The following SRPK2 variants were observed in gnomAD, a reference collection of about 807,000 sequenced individuals.
SRPK2 encodes SFRS protein kinase 2.
Under a neutral mutation model 90.8 loss-of-function variants are expected in SRPK2, and 21 were observed. The observed-to-expected ratio is 0.23, with a 90% CI of 0.16 to 0.33. The LOEUF is 0.33. SRPK2 is among the 10% of genes least tolerant of loss of function. The pLI is 1.00. For synonymous variants in SRPK2, 288 were observed against 311.1 expected (o/e 0.93, Z 0.78); for missense variants, 620 against 869.0 (o/e 0.71, Z 3.60).
intron 3 of SRPK2, among the ~76,000 whole-genome samples, chr7:105,203,157 T>C (rs1795770515): frequency 1.3e-5 from 2 of 152,036 alleles, no homozygotes; most frequent in Admixed American, 6.6e-5. Flanking sequence ...CCCAGCTAAT[T>C]TTTTGCACTT....
intron 2 of SRPK2, among the ~76,000 whole-genome samples, chr7:105,205,515 T>TCACA (rs1426772972): frequency 1.5e-4 from 17 of 111,820 alleles, no homozygotes; most frequent in South Asian, 3.2e-4. Flanking sequence ...TCTCTCTCTC[T>TCACA]CTCACACACA....
At chr7:105,393,645 T>C (rs1363165215), upstream of SRPK2, among the ~76,000 whole-genome samples, 1 of 151,978 alleles carries the variant, frequency 6.6e-6, no homozygotes, top group Non-Finnish European at 1.5e-5. Context: ...GGCCTTTTTA[T>C]TATTTTTAAA....
chr7:105,280,662 G>T (rs1044340000), intron 2 of SRPK2, among the ~76,000 whole-genome samples: 2 of 149,846 alleles, frequency 1.3e-5, no homozygotes, highest in Non-Finnish European at 3.0e-5. Flanking sequence ...AAAAAGGGGG[G>T]GGGGGCCGGG....
At chr7:105,123,814 T>A (rs1372261277) in intron 15 of SRPK2, among the ~76,000 whole-genome samples, 1 of 152,144 alleles carries the variant, frequency 6.6e-6, no homozygotes, top group African/African-American at 2.4e-5. Flanking sequence ...TTCCCAGTCA[T>A]TTCAGGGGAT....
chr7:105,331,307 TCAAAAAAA>T (rs1814308402), intron 2 of SRPK2, among the ~76,000 whole-genome samples: 1 of 3,024 alleles, frequency 3.3e-4, no homozygotes, highest in African/African-American at 1.4e-3. Context: ...AGACTCCGTC[TCAAAAAAA>T]AAAAAAAAAA....
At chr7:105,145,776 T>C (rs888204847) in intron 8 of SRPK2, among the ~76,000 whole-genome samples, 2 of 152,150 alleles carry the variant, frequency 1.3e-5, no homozygotes, top group African/African-American at 2.4e-5. Flanking sequence ...AGGAATCACA[T>C]GATTAAACCC....
chr7:105,265,158 G>T lies in SRPK2; in HGVS notation c.72-61373C>A, dbSNP rs144960434. 6.2e-3 allele frequency among the ~76,000 whole-genome samples: 939 copies of T among 151,924 alleles called. 4 individuals are homozygous for T. The highest frequency in any genetic ancestry group is 9.8e-3 in the Non-Finnish European group (666 of 67,930). On this transcript the variant is annotated intron_variant, in intron 2 of 15. Coordinates refer to ENST00000393651, the MANE Select transcript of SRPK2 (RefSeq NM_182692.3). ...TTCACCTAAAAAGCACTCAGAACTG[G>T]TATCTAGACTGTTTAATAAATGATT... is the stretch of plus-strand genomic sequence containing the variant.
At chr7:105,352,792 T>C (rs1817349721) in intron 2 of SRPK2, among the ~76,000 whole-genome samples, 1 of 152,070 alleles carries the variant, frequency 6.6e-6, no homozygotes, top group South Asian at 2.1e-4. Flanking sequence ...TCCCAGCTAC[T>C]CGGGAGGCTG....
At chr7:105,229,965 T>G (rs1251788142) in intron 2 of SRPK2, among the ~76,000 whole-genome samples, 1 of 152,162 alleles carries the variant, frequency 6.6e-6, no homozygotes, top group Non-Finnish European at 1.5e-5. Flanking sequence ...ACCGGAAGGT[T>G]TCAAGAAGAC....
chr7:105,321,467 CTG>C (rs1812931200), intron 2 of SRPK2, among the ~76,000 whole-genome samples: 1 of 152,092 alleles, frequency 6.6e-6, no homozygotes, highest in African/African-American at 2.4e-5. Flanking sequence ...AAAGAAAAAA[CTG>C]TAAAATGAAC....
chr7:105,337,472 G>C (rs1209206371), intron 2 of SRPK2, among the ~76,000 whole-genome samples: 1 of 151,726 alleles, frequency 6.6e-6, no homozygotes, highest in Non-Finnish European at 1.5e-5. Context: ...CTGCCACCAA[G>C]CCCAGCTAAT....
At chr7:105,145,570 C>T (rs1316044811) in intron 8 of SRPK2, among the ~76,000 whole-genome samples, 18 of 152,106 alleles carry the variant, frequency 1.2e-4, no homozygotes, top group Non-Finnish European at 1.6e-4. Context: ...ACTAATACAT[C>T]TCAAACACAG....
At chr7:105,388,738 G>A in intron 1 of SRPK2, 36 bp from the exon 2 acceptor site, 4 of 1,555,358 alleles carry the variant, frequency 2.6e-6, no homozygotes, top group East Asian at 2.5e-5. Context: ...CGGTCGGGCC[G>A]CCCGCCCGGG....
At chr7:105,297,306 A>C in intron 2 of SRPK2, 4 of 238,960 alleles carry the variant, frequency 1.7e-5, no homozygotes, top group Non-Finnish European at 2.7e-5. Flanking sequence ...AAATACACTG[A>C]ATGAAGTGAC....
chr7:105,190,377 T>G (rs1194416725), intron 3 of SRPK2, among the ~76,000 whole-genome samples: 1 of 152,226 alleles, frequency 6.6e-6, no homozygotes, highest in African/African-American at 2.4e-5. Context: ...CATATCTTGG[T>G]TGCTCTCCTA....
At chr7:105,383,443 C>A (rs1358841243) in intron 2 of SRPK2, among the ~76,000 whole-genome samples, 1 of 148,306 alleles carries the variant, frequency 6.7e-6, no homozygotes, top group African/African-American at 2.5e-5. Context: ...TTAATTGAGA[C>A]GGAGTGTCGC....
rs903990086 is a variant in SRPK2, at chr7:105,331,154, A to T, written c.71+57494T>A. Among the ~76,000 whole-genome samples, 9 of 151,964 alleles carry T rather than the reference A, an allele frequency of 5.9e-5. No homozygotes were observed. The East Asian group carries it at 1.2e-3, about 20-fold the overall frequency. On this transcript the variant is annotated intron_variant, in intron 2 of 15. Coordinates refer to ENST00000393651, the MANE Select transcript of SRPK2 (RefSeq NM_182692.3). ...CCATCTCTACCAAAAATATTTTTTT[A>T]AAAGATTAGCTGGGTGTGGTGGTGC...
At chr7:105,381,089 A>C (rs1297835716) in intron 2 of SRPK2, among the ~76,000 whole-genome samples, 1 of 151,872 alleles carries the variant, frequency 6.6e-6, no homozygotes, top group Non-Finnish European at 1.5e-5. Flanking sequence ...AAAAATACAA[A>C]GAAAATAAGC....
chr7:105,265,548 G>A (rs1026905464), intron 2 of SRPK2, among the ~76,000 whole-genome samples: 4 of 152,018 alleles, frequency 2.6e-5, no homozygotes, highest in African/African-American at 9.7e-5. Context: ...TCTCCCCCAC[G>A]CACATTACCC....
Sources: gnomAD v4.1 joint callset for allele counts (sites outside exome capture counted in the v4.1 genomes callset) on GRCh38, gnomAD v4.1.1 for gene constraint, MANE v1.5 for transcripts, NCBI Gene and HGNC (gene_info 2026-07-23, HGNC 2026-07-21) for gene names.